Variants in ZNF185 observed in about 807,000 individuals in gnomAD.
ZNF185 encodes zinc finger protein 185.
ZNF185 carries 56 observed loss-of-function variants against 58.6 expected under a neutral mutation model. The observed-to-expected ratio is 0.95, with a 90% CI of 0.77 to 1.19. The LOEUF (loss-of-function observed/expected upper bound fraction) is 1.19. Ranked by LOEUF, ZNF185 falls within the 50% of genes most tolerant of loss-of-function variation. ZNF185 has a pLI of 0.00. For synonymous variants in ZNF185, 230 were observed against 215.9 expected (o/e 1.07, Z -0.57); for missense variants, 627 against 573.5 (o/e 1.09, Z -0.95).
chrX:152,948,878 A>G (rs1379026914), intron 16 of ZNF185, among the ~76,000 whole-genome samples: 4 of 111,839 alleles, frequency 3.6e-5, no homozygotes, highest in Non-Finnish European at 3.8e-5. Flanking sequence ...TTGCTTTGCA[A>G]TGGGATCTCC....
chrX:152,914,635 G>A, intron 1 of ZNF185, 75 bp from the exon 3 acceptor site: 1 of 1,172,790 alleles, frequency 8.5e-7, no homozygotes, highest in Non-Finnish European at 1.1e-6. Context: ...GCAGCATACT[G>A]GGAGAACTGG....
At chrX:152,932,338 AGATGG>A (rs1942152166) in intron 13 of ZNF185, among the ~76,000 whole-genome samples, 1 of 112,592 alleles carries the variant, frequency 8.9e-6, no homozygotes, top group Non-Finnish European at 1.9e-5. Flanking sequence ...TGATGAGTCC[AGATGG>A]GATGATTGTC....
rs782233361 is a variant in ZNF185, at chrX:152,928,522, A to C, written c.831-53A>C. 2.0e-3 allele frequency: 2,322 copies of C among 1,178,860 alleles called. 9 individuals are homozygous for C. Among genetic ancestry groups the C allele is most frequent in the Middle Eastern group, 0.011 (44 of 4,093 alleles). On this transcript the variant is annotated intron_variant, in intron 11 of 22. Transcript: ENST00000449285. Reference sequence around the variant, plus strand: ...GCCCACCGCACTCACCAGCCCAAGAAGGGGGAGACTTTTCTCACCTGCAAC... The same window carrying C: ...GCCCACCGCACTCACCAGCCCAAGACGGGGGAGACTTTTCTCACCTGCAAC...
exon 20 of ZNF185, chrX:152,967,202 A>G: frequency 8.3e-7 from 1 of 1,211,708 alleles, no homozygotes; most frequent in Non-Finnish European, 1.1e-6. Flanking sequence ...GCCATGGAGA[A>G]GAAGCCTCCA....
Position 152,920,412 on chromosome X carries a change from G to A in ZNF185, c.614+1G>A. 6 of 1,210,066 alleles carry A rather than the reference G, an allele frequency of 5.0e-6. No homozygotes were observed. The highest frequency in any genetic ancestry group is 6.7e-6 in the Non-Finnish European group (6 of 894,519). On this transcript the variant is annotated splice_donor_variant, in intron 8 of 22. Transcript: ENST00000449285. LOFTEE classifies it high-confidence loss of function. ...TGTCAGCGGCCAAGAAGAGCACTGG[G>A]TGAGTTGCCACCAACTGGCTCCAGG...
intron 11 of ZNF185, among the ~76,000 whole-genome samples, chrX:152,923,144 G>A (rs1408257484): frequency 8.0e-5 from 9 of 111,976 alleles, no homozygotes; most frequent in African/African-American, 2.9e-4. Context: ...CTCAAATCTA[G>A]GTCTCCTAAG....
rs1859007078 is a variant in ZNF185, at chrX:152,928,555, G to T, written c.831-20G>T. The T allele has an allele frequency of 8.3e-7, 1 of 1,210,477 alleles. No individual in the cohort carries two copies. The highest frequency in any genetic ancestry group is 1.7e-5 in the African/African-American group (1 of 57,999). On this transcript the variant is annotated intron_variant, in intron 11 of 22. Transcript: ENST00000449285. ...ACTTTTCTCACCTGCAACCCACTGG[G>T]TCTCTCCTTTGGCCCGCAGCTCAAG...
At chrX:152,939,578 T>C (rs1467293559) in intron 15 of ZNF185, among the ~76,000 whole-genome samples, 2 of 111,322 alleles carry the variant, frequency 1.8e-5, no homozygotes, top group Non-Finnish European at 3.8e-5. Context: ...ATGGTTAACA[T>C]GCTGTGTGAT....
At chrX:152,905,254 G>T in the ZNF185 span, among the ~76,000 whole-genome samples, 1 of 112,873 alleles carries the variant, frequency 8.9e-6, no homozygotes, top group Non-Finnish European at 1.9e-5. Context: ...TGCCCCATCT[G>T]GCTCAGGGCT....
rs113405315 is a variant in ZNF185 at position 152,954,540 on chromosome X, C to T, written c.1410-5159C>T. 6.8e-3 allele frequency among the ~76,000 whole-genome samples: 764 copies of T among 112,179 alleles called. 10 individuals are homozygous for T. Among genetic ancestry groups the T allele is most frequent in the African/African-American group, 0.023 (719 of 30,844 alleles). ...CAGCAGGCTCACCTATATGTAGTTCCGTGAGGTAGCCTTATGGACTTCTGC... is the reference window on the plus strand; with the variant it reads ...CAGCAGGCTCACCTATATGTAGTTCTGTGAGGTAGCCTTATGGACTTCTGC... On this transcript the variant is annotated intron_variant, in intron 16 of 22. Transcript: ENST00000449285.
chrX:152,952,785 G>T (rs1556901118), intron 16 of ZNF185, among the ~76,000 whole-genome samples: 1 of 110,773 alleles, frequency 9.0e-6, no homozygotes, highest in Non-Finnish European at 1.9e-5. Context: ...GAGACCCCAG[G>T]TTCCCTAATA....
intron 19 of ZNF185, among the ~76,000 whole-genome samples, chrX:152,966,545 C>G (rs1182681429): frequency 9.0e-6 from 1 of 111,343 alleles, no homozygotes; most frequent in Non-Finnish European, 1.9e-5. Flanking sequence ...CTCAGGCCCC[C>G]CTGTTAGGAT....
intron 14 of ZNF185, 65 bp downstream of exon 15, chrX:152,933,036 G>C: frequency 1.3e-6 from 1 of 781,276 alleles, no homozygotes; most frequent in Non-Finnish European, 1.8e-6. Context: ...CAAGCTGCCA[G>C]GCTGCTTGGG....
intron 13 of ZNF185, among the ~76,000 whole-genome samples, chrX:152,932,597 C>T (rs190505325): frequency 7.1e-5 from 8 of 112,213 alleles, no homozygotes; most frequent in Admixed American, 6.6e-4. Context: ...ACATGTCTTG[C>T]CCCTTGCTCT....
intron 14 of ZNF185, 51 bp downstream of exon 15, chrX:152,933,022 G>T: frequency 1.0e-6 from 1 of 957,273 alleles, no homozygotes; most frequent in Non-Finnish European, 1.4e-6. Flanking sequence ...TGACAGACCA[G>T]GGTCAAGCTG....
At chrX:152,933,220 C>T (rs977835788) in intron 14 of ZNF185, among the ~76,000 whole-genome samples, 1 of 113,089 alleles carries the variant, frequency 8.8e-6, no homozygotes, top group East Asian at 2.8e-4. Flanking sequence ...ACTAGGCCCA[C>T]TCACAGCTGG....
intron 3 of ZNF185, 60 bp downstream of exon 4, chrX:152,915,263 G>A: frequency 1.7e-6 from 2 of 1,146,761 alleles, no homozygotes; most frequent in East Asian, 3.1e-5. Context: ...TGCAGCTTGG[G>A]GCCAGCCCTC....
chrX:152,907,809 C>T, the ZNF185 span, among the ~76,000 whole-genome samples: 1 of 112,897 alleles, frequency 8.9e-6, no homozygotes, highest in Non-Finnish European at 1.9e-5. Context: ...CAGAGGGTGT[C>T]AGAAAAGCCA....
chrX:152,922,621 G>C (rs934001092), intron 10 of ZNF185, 99 bp from the exon 12 acceptor site: 5 of 805,283 alleles, frequency 6.2e-6, no homozygotes, highest in Non-Finnish European at 9.0e-6. Flanking sequence ...GCCATTGTCA[G>C]ACTTGCTCCT....
Sources: allele counts gnomAD v4.1 joint callset (sites outside exome capture counted in the v4.1 genomes callset), GRCh38; gene constraint gnomAD v4.1.1; transcripts MANE v1.5; gene names NCBI Gene and HGNC (gene_info 2026-07-23, HGNC 2026-07-21).